Variants in FAR1 observed in about 807,000 individuals in gnomAD.
The protein encoded by FAR1 is fatty acyl-CoA reductase 1, also known as male sterility domain-containing protein 2.
In FAR1, 22 loss-of-function variants were observed where a neutral mutation model predicts 61.1. That is an observed-to-expected ratio of 0.36 (90% confidence interval 0.26 to 0.51). The LOEUF is 0.51. Ranked by LOEUF, FAR1 falls within the 20% of genes least tolerant of loss-of-function variation. The pLI, the probability that FAR1 is intolerant of heterozygous loss-of-function variation, is 0.95. For synonymous variants in FAR1, 206 were observed against 209.7 expected, an observed-to-expected ratio of 0.98 and a Z score of 0.15; for missense variants, 359 against 626.9, an observed-to-expected ratio of 0.57 and a Z score of 4.56.
chr11:13,689,133 C>T (rs1402519313), intron 1 of FAR1, among the ~76,000 whole-genome samples: 1 of 152,174 alleles, frequency 6.6e-6, no homozygotes, highest in Admixed American at 6.5e-5. Context: ...CAAACTAGGA[C>T]ATATGATCCC....
chr11:13,672,734 G>C (rs1848022946), intron 1 of FAR1, among the ~76,000 whole-genome samples: 1 of 152,002 alleles, frequency 6.6e-6, no homozygotes, highest in African/African-American at 2.4e-5. Flanking sequence ...GGAAATGACT[G>C]GATTGTCACT....
chr11:13,724,410 C>T (rs1032758263), intron 10 of FAR1, among the ~76,000 whole-genome samples: 3 of 151,716 alleles, frequency 2.0e-5, no homozygotes, highest in Non-Finnish European at 4.4e-5. Context: ...ATTAGCCAGG[C>T]GTGGTGGCGC....
At position 13,712,914 on chromosome 11, in the gene FAR1, GAT is replaced by G. The variant is rs1848515695; in HGVS notation, c.888-49_888-48del. ...TGAATACTATGTAGGACTTAGATTG[GAT>G]ATGTTTGGCCTCTTATTATGATTAA... On this transcript the variant is annotated intron_variant, in intron 7 of 11. Coordinates refer to ENST00000354817, the MANE Select transcript of FAR1 (RefSeq NM_032228.6). 4 of 1,430,024 alleles carry G rather than the reference GAT, an allele frequency of 2.8e-6. No individual in the cohort carries two copies. The South Asian group carries it at 4.7e-5, about 17-fold the overall frequency. 88.6% of individuals were successfully genotyped at this position (1,430,024 alleles called of 1,614,324 possible).
At chr11:13,681,071 C>A (rs1161478584) in intron 1 of FAR1, among the ~76,000 whole-genome samples, 1 of 152,132 alleles carries the variant, frequency 6.6e-6, no homozygotes, top group Non-Finnish European at 1.5e-5. Context: ...AACTTTGCTC[C>A]TTAGTTCAGC....
chr11:13,689,055 T>G (rs1232520441), intron 1 of FAR1, among the ~76,000 whole-genome samples: 1 of 152,226 alleles, frequency 6.6e-6, no homozygotes, highest in African/African-American at 2.4e-5. Flanking sequence ...TTGTGCAAAC[T>G]GAGACACTTC....
chr11:13,703,416 A>G (rs1848397998), intron 3 of FAR1, among the ~76,000 whole-genome samples: 1 of 152,150 alleles, frequency 6.6e-6, no homozygotes, highest in South Asian at 2.1e-4. Context: ...TTGTTAAGTT[A>G]ACCTACAAAT....
At chr11:13,677,812 A>G (rs1180952571) in intron 1 of FAR1, among the ~76,000 whole-genome samples, 1 of 152,230 alleles carries the variant, frequency 6.6e-6, no homozygotes, top group South Asian at 2.1e-4. Context: ...GAAGAGCTAT[A>G]TGGATGGTTC....
At chr11:13,702,682 A>G (rs9988867) in intron 3 of FAR1, among the ~76,000 whole-genome samples, 4,890 of 152,240 alleles carry the variant, frequency 0.032, 114 homozygotes, top group Non-Finnish European at 0.047. Context: ...ACATAGCTTT[A>G]TGAAGCTTAG....
chr11:13,670,787 A>C (rs758171802), intron 1 of FAR1, among the ~76,000 whole-genome samples: 38 of 151,104 alleles, frequency 2.5e-4, no homozygotes, highest in Admixed American at 5.3e-4. Flanking sequence ...AGCTTTTGGA[A>C]TTTTTATTTA....
chr11:13,685,626 C>G (rs146011660), intron 1 of FAR1: 209 of 201,498 alleles, frequency 1.0e-3, no homozygotes, highest in African/African-American at 4.7e-3. Context: ...CCAGGAAACA[C>G]TTAATCCGGA....
intron 1 of FAR1, among the ~76,000 whole-genome samples, chr11:13,681,894 T>TTTA (rs1555058930): frequency 4.6e-5 from 7 of 152,148 alleles, no homozygotes; most frequent in East Asian, 1.9e-4. Context: ...TCTGTGCTTT[T>TTTA]TTATTATTAT....
At chr11:13,679,496 C>T (rs1476218459) in intron 1 of FAR1, among the ~76,000 whole-genome samples, 1 of 152,044 alleles carries the variant, frequency 6.6e-6, no homozygotes, top group Non-Finnish European at 1.5e-5. Context: ...TTGGGTGCTT[C>T]TTCCTGTTTA....
intron 10 of FAR1, chr11:13,723,362 CAAAAAAAAA>C: frequency 3.9e-6 from 1 of 254,392 alleles, no homozygotes; most frequent in Non-Finnish European, 6.9e-6. Context: ...GAGAGTCTCT[CAAAAAAAAA>C]AAAAAAAAAA....
At chr11:13,724,187 T>TA (rs2134201432) in intron 10 of FAR1, among the ~76,000 whole-genome samples, 1 of 152,304 alleles carries the variant, frequency 6.6e-6, no homozygotes, top group South Asian at 2.1e-4. Context: ...CTGGCATTTA[T>TA]AAGCCAGGGC....
In FAR1 at chr11:13,714,516, T is replaced by C. The variant is rs766976897; in HGVS notation, c.963T>C (p.His321=). Residue 321 remains histidine (H), a synonymous_variant, in exon 9 of 12, where the codon CAT becomes CAC. Transcript: ENST00000354817. ...NPFHWGEVEY[H]VISTFKRNPL... The stretch of plus-strand genomic sequence containing the variant: ...ACAACTTTTCTTCTTCAGAGTACCA[T>C]GTAATTTCCACTTTCAAGAGGAATC... 3.1e-6 allele frequency: 5 copies of C among 1,610,606 alleles called. No individual in the cohort carries two copies. The highest frequency in any genetic ancestry group is 2.2e-5 in the East Asian group (1 of 44,696).
chr11:13,673,190 A>G (rs1348824086), intron 1 of FAR1, among the ~76,000 whole-genome samples: 1 of 152,234 alleles, frequency 6.6e-6, no homozygotes, highest in East Asian at 1.9e-4. Flanking sequence ...GATTTGCCCT[A>G]GGATCAGTAC....
Position 13,728,990 on chromosome 11 carries a change from C to T in FAR1, c.*216C>T. ...TATGCCAGCTCAAATCTACAGTAGC[C>T]ACCAAAACCATGACTTAATATTTTG... On this transcript the variant is annotated 3_prime_UTR_variant, in exon 12 of 12. Coordinates refer to ENST00000354817, the MANE Select transcript of FAR1 (RefSeq NM_032228.6). The T allele has an allele frequency of 2.5e-6, 1 of 401,494 alleles. No homozygotes were observed. Among genetic ancestry groups the T allele is most frequent in the Non-Finnish European group, 4.5e-6 (1 of 221,220 alleles). The allele number at this position is 401,494 out of a possible 1,614,324, so 24.9% of individuals were successfully genotyped here. A position where few individuals can be genotyped will look rare whatever the true frequency, so the allele number is the denominator to read the frequency against.
Position 13,668,967 on chromosome 11 carries a change from GCGCC to G in FAR1, c.-8+166_-8+169del, listed in dbSNP as rs1331176200. ...CGCCCGGGTACGCCCAGAAGTGAGG[GCGCC>G]CGCCTCACCCCGGGTGGTCTCTGCC... On this transcript the variant is annotated intron_variant, in intron 1 of 11. Coordinates refer to ENST00000354817, the MANE Select transcript of FAR1 (RefSeq NM_032228.6). Among the ~76,000 whole-genome samples the G allele has an allele frequency of 8.5e-5, 13 of 152,222 alleles. No homozygotes were observed. In the South Asian group the frequency reaches 1.2e-3, roughly 15 times the overall value.
At position 13,728,612 on chromosome 11, in the gene FAR1, G is replaced by A; in HGVS notation, c.1386G>A (p.Lys462=). The change falls in exon 12 of 12, where the codon AAG becomes AAA. Residue 462 remains lysine (K), a splice_region_variant and synonymous_variant. Transcript: ENST00000354817. ...GLPAARKHLN[K]LRNIRYGFNT... ...ACATATCTCTTGATTTGCTTTCCAG[G>A]TTGCGGAATATACGTTATGGTTTTA... 6.2e-7 allele frequency: 1 copy of A among 1,608,834 alleles called. No individual in the cohort carries two copies. Among genetic ancestry groups the A allele is most frequent in the Non-Finnish European group, 8.5e-7 (1 of 1,176,426 alleles).
Sources: gnomAD v4.1 joint callset for allele counts (sites outside exome capture counted in the v4.1 genomes callset) on GRCh38, gnomAD v4.1.1 for gene constraint, MANE v1.5 for transcripts, NCBI Gene and HGNC (gene_info 2026-07-23, HGNC 2026-07-21) for gene names.